The following PDE11A variants were observed in gnomAD, a reference collection of about 807,000 sequenced individuals.
The protein encoded by PDE11A is phosphodiesterase 11A.
In PDE11A, 100 loss-of-function variants were observed where a neutral mutation model predicts 100.5. That is an observed-to-expected ratio of 1.00 (90% CI 0.85 to 1.18). The LOEUF (loss-of-function observed/expected upper bound fraction) is 1.18, where lower values mean the gene tolerates loss of function less well. Among genes scored for constraint, PDE11A ranks in the 50% most tolerant of loss-of-function variants. The pLI is 0.00. For missense variants in PDE11A, 1,141 were observed against 1,152.6 expected (o/e 0.99, Z 0.15); for synonymous variants, 381 against 420.8 (o/e 0.91, Z 1.16).
At chr2:177,700,693 A>G (rs543695363) in intron 14 of PDE11A, among the ~76,000 whole-genome samples, 1 of 152,338 alleles carries the variant, frequency 6.6e-6, no homozygotes, top group East Asian at 1.9e-4. Context: ...AATTGTGCTA[A>G]TGAAGTGTAA....
At chr2:177,846,287 G>A (rs926088578) in intron 5 of PDE11A, among the ~76,000 whole-genome samples, 1 of 152,156 alleles carries the variant, frequency 6.6e-6, no homozygotes, top group Admixed American at 6.5e-5. Context: ...TACTACTACT[G>A]TAGAGATTAA....
At chr2:177,692,789 T>C (rs758364270) in intron 15 of PDE11A, among the ~76,000 whole-genome samples, 10 of 152,246 alleles carry the variant, frequency 6.6e-5, no homozygotes, top group African/African-American at 1.4e-4. Context: ...TTGAATGACA[T>C]AGAATCCCAA....
intron 13 of PDE11A, among the ~76,000 whole-genome samples, chr2:177,711,032 G>T (rs532001446): frequency 1.5e-4 from 23 of 152,344 alleles, no homozygotes; most frequent in African/African-American, 5.3e-4. Flanking sequence ...ATTAACGGCA[G>T]ACTCTCAATA....
At chr2:177,785,591 C>T (rs192258096) in intron 9 of PDE11A, among the ~76,000 whole-genome samples, 147 of 152,328 alleles carry the variant, frequency 9.7e-4, no homozygotes, top group African/African-American at 3.3e-3. Flanking sequence ...GGCATTGCCT[C>T]ACTCGGGAAG....
intron 2 of PDE11A, among the ~76,000 whole-genome samples, chr2:177,955,385 C>G (rs1297630216): frequency 6.6e-6 from 1 of 152,164 alleles, no homozygotes; most frequent in Non-Finnish European, 1.5e-5. Context: ...TTAAGAAGTC[C>G]TGCTTTGCAG....
chr2:178,103,018 T>C (rs1043160595), intron 2 of PDE11A, among the ~76,000 whole-genome samples: 4 of 152,168 alleles, frequency 2.6e-5, no homozygotes, highest in African/African-American at 4.8e-5. Context: ...ATTATGTAGC[T>C]AGAGGTCATA....
rs745439771 is a variant in PDE11A, at chr2:177,964,211, G to A, written c.1071+50091C>T. Among the ~76,000 whole-genome samples the A allele has an allele frequency of 6.6e-5, 10 of 151,614 alleles. 1 individual carries two copies. The highest frequency in any genetic ancestry group is 1.0e-4 in the Non-Finnish European group (7 of 67,938). Reference sequence around the variant, plus strand: ...GTCACAGAGGCTGGAGTGCAGTGGCGCCATCTCAGCTCAGTGCAACCTCAA... The same window carrying A: ...GTCACAGAGGCTGGAGTGCAGTGGCACCATCTCAGCTCAGTGCAACCTCAA... On this transcript the variant is annotated intron_variant, in intron 2 of 19. Transcript: ENST00000286063.
intron 9 of PDE11A, among the ~76,000 whole-genome samples, chr2:177,795,459 C>A (rs931530379): frequency 2.6e-5 from 4 of 152,040 alleles, no homozygotes; most frequent in Non-Finnish European, 4.4e-5. Flanking sequence ...TTACCCGCTT[C>A]GGCTTAACTG....
At chr2:177,689,879 G>A (rs949204855) in intron 15 of PDE11A, among the ~76,000 whole-genome samples, 3 of 152,208 alleles carry the variant, frequency 2.0e-5, no homozygotes, top group Admixed American at 1.3e-4. Flanking sequence ...AGGCAAAGAA[G>A]CTGTGTAAGC....
In PDE11A at chr2:177,763,533, G is replaced by A. The variant is rs571844865; in HGVS notation, c.1788+5790C>T. On this transcript the variant is annotated intron_variant, in intron 10 of 19. Transcript: ENST00000286063. ...TACCCAGAAGTCCTGCTTTATCCCC[G>A]GCTGTGGAGGAGCCTCTATGGGTCA... 2.6e-5 allele frequency among the ~76,000 whole-genome samples: 4 copies of A among 152,278 alleles called. No individual in the cohort carries two copies. The East Asian group carries it at 5.8e-4, about 22-fold the overall frequency.
chr2:178,081,346 A>G (rs1048168753), intron 2 of PDE11A, among the ~76,000 whole-genome samples: 4 of 152,228 alleles, frequency 2.6e-5, no homozygotes, highest in African/African-American at 9.6e-5. Flanking sequence ...TTTATCACCA[A>G]GAAATAGACC....
intron 2 of PDE11A, among the ~76,000 whole-genome samples, chr2:178,090,255 T>C (rs2087405083): frequency 6.6e-6 from 1 of 152,194 alleles, no homozygotes; most frequent in East Asian, 1.9e-4. Context: ...TCAGAAATAA[T>C]ATATATTCAA....
intron 2 of PDE11A, among the ~76,000 whole-genome samples, chr2:177,973,081 G>T (rs2085793053): frequency 6.6e-6 from 1 of 152,112 alleles, no homozygotes; most frequent in African/African-American, 2.4e-5. Flanking sequence ...GAGGGAGGAG[G>T]AGTCAAGATG....
chr2:177,759,667 A>C (rs2082142852), intron 10 of PDE11A, among the ~76,000 whole-genome samples: 1 of 152,244 alleles, frequency 6.6e-6, no homozygotes, highest in Admixed American at 6.5e-5. Context: ...GAGATGTCAG[A>C]ATAATGAACC....
chr2:177,927,186 C>A lies in PDE11A; in HGVS notation c.1072-21999G>T, dbSNP rs1265341796. On this transcript the variant is annotated intron_variant, in intron 2 of 19. Coordinates refer to ENST00000286063, the MANE Select transcript of PDE11A (RefSeq NM_016953.4). The stretch of plus-strand genomic sequence containing the variant: ...AAACAATAGCTCTCTTCCTTTCAAT[C>A]ATTAATTTTTAAAAATCAATTATTG... Among the ~76,000 whole-genome samples, 4 of 152,284 alleles carry A rather than the reference C, an allele frequency of 2.6e-5. No homozygotes were observed. The East Asian group carries it at 7.7e-4, about 29-fold the overall frequency.
intron 19 of PDE11A, 77 bp downstream of exon 19, chr2:177,663,789 A>C: frequency 4.6e-6 from 4 of 865,106 alleles, no homozygotes; most frequent in Non-Finnish European, 6.0e-6. Context: ...GTCTCCTCAA[A>C]TGAGTGCTTT....
intron 1 of PDE11A, among the ~76,000 whole-genome samples, chr2:178,053,377 G>GC (rs1351574585): frequency 1.3e-5 from 2 of 152,252 alleles, no homozygotes; most frequent in East Asian, 3.9e-4. Context: ...AATAATAAGA[G>GC]CTATTTATGA....
intron 1 of PDE11A, among the ~76,000 whole-genome samples, chr2:178,107,758 G>A (rs2087638542): frequency 8.2e-6 from 1 of 122,600 alleles, no homozygotes; most frequent in Non-Finnish European, 1.6e-5. Flanking sequence ...GTCTCACTCT[G>A]TCGCCCAGGC....
At chr2:177,877,180 T>A (rs2084253829) in intron 4 of PDE11A, among the ~76,000 whole-genome samples, 1 of 146,530 alleles carries the variant, frequency 6.8e-6, no homozygotes, top group Non-Finnish European at 1.5e-5. Context: ...CTTTTTTTTT[T>A]TTTGGACAGG....
Sources: allele counts gnomAD v4.1 joint callset (sites outside exome capture counted in the v4.1 genomes callset), GRCh38; gene constraint gnomAD v4.1.1; transcripts MANE v1.5; gene names NCBI Gene and HGNC (gene_info 2026-07-23, HGNC 2026-07-21).